RHOBTB3: variants seen among roughly 807,000 people sequenced by gnomAD.
RHOBTB3 encodes the protein Rho related BTB domain containing 3.
A neutral mutation model predicts 67.2 loss-of-function variants in RHOBTB3; 47 were observed. The observed-to-expected ratio is 0.70, with a 90% CI of 0.55 to 0.89. The LOEUF (loss-of-function observed/expected upper bound fraction) is 0.89. Ranked by LOEUF, RHOBTB3 falls within the 40% of genes least tolerant of loss-of-function variation. The pLI is 0.00. For synonymous variants in RHOBTB3, 273 were observed against 274.2 expected (o/e 1.00, Z 0.04); for missense variants, 631 against 750.0 (o/e 0.84, Z 1.85).
chr5:95,748,225 A>G (rs1236458593), intron 3 of RHOBTB3, 108 bp from the exon 4 acceptor site: 1 of 704,198 alleles, frequency 1.4e-6, no homozygotes, highest in Admixed American at 3.1e-5. Flanking sequence ...ATGCTTTTGA[A>G]CTGTGGCTCT....
At chr5:95,763,756 C>T in intron 7 of RHOBTB3, 136 bp downstream of exon 7, 2 of 567,442 alleles carry the variant, frequency 3.5e-6, no homozygotes, top group Non-Finnish European at 6.3e-6. Context: ...GTATATTTTA[C>T]CATTTAAATA....
chr5:95,731,528 C>G lies in RHOBTB3; in HGVS notation c.-155C>G. ...CGCTCGCTGGCTGGCGCGGCCCCGG[C>G]CCCGCTCTGCGTCGGCCCCGCCGCG... On this transcript the variant is annotated 5_prime_UTR_variant, in exon 1 of 12. Coordinates refer to ENST00000379982, the MANE Select transcript of RHOBTB3 (RefSeq NM_014899.4). 3.0e-6 allele frequency: 4 copies of G among 1,348,674 alleles called. No homozygotes were observed. The highest frequency in any genetic ancestry group is 3.8e-6 in the Non-Finnish European group (4 of 1,054,894). 83.5% of individuals were successfully genotyped at this position (1,348,674 alleles called of 1,614,324 possible).
intron 4 of RHOBTB3, among the ~76,000 whole-genome samples, chr5:95,748,905 G>A (rs1224336758): frequency 2.6e-5 from 4 of 152,190 alleles, no homozygotes; most frequent in African/African-American, 7.2e-5. Context: ...CTCTGTGTGT[G>A]CTTTGGCAAA....
At position 95,783,956 on chromosome 5, in the gene RHOBTB3, A is replaced by G. The variant is rs762167988; in HGVS notation, c.1616A>G (p.Lys539Arg). 1.2e-5 allele frequency: 20 copies of G among 1,610,182 alleles called. No individual in the cohort carries two copies. Among genetic ancestry groups the G allele is most frequent in the Non-Finnish European group, 1.7e-5 (20 of 1,177,220 alleles). The change falls in exon 10 of 12, where the codon AAG (lysine) becomes AGG (arginine). Residue 539 changes from lysine (K) to arginine (R), a missense_variant. Physicochemically the swap from Lys to Arg is conservative, Grantham distance 26. Coordinates refer to ENST00000379982, the MANE Select transcript of RHOBTB3 (RefSeq NM_014899.4). ...MNLDIVDLLK[K>R]AKFHHSDCLS... ...CTTGATATAGTTGACCTGCTTAAAA[A>G]GGCCAAGGTAATTGACTCTGTGTAT...
intron 8 of RHOBTB3, among the ~76,000 whole-genome samples, chr5:95,772,137 TG>T (rs914958639): frequency 1.3e-5 from 2 of 152,048 alleles, no homozygotes; most frequent in East Asian, 3.9e-4. Flanking sequence ...GGAGATAAGG[TG>T]GGGGCAAACC....
At chr5:95,724,361 T>C (rs1336554616) in intron 1 of RHOBTB3, among the ~76,000 whole-genome samples, 1 of 152,254 alleles carries the variant, frequency 6.6e-6, no homozygotes, top group Admixed American at 6.5e-5. Flanking sequence ...AGAAGTGTAA[T>C]ACATTTTTAC....
chr5:95,753,116 G>T (rs1745139240), intron 5 of RHOBTB3, among the ~76,000 whole-genome samples: 1 of 151,660 alleles, frequency 6.6e-6, no homozygotes, highest in African/African-American at 2.4e-5. Context: ...TGGCCTGGGC[G>T]ACAGAGCAAG....
At chr5:95,743,105 C>A (rs1456072180) in intron 3 of RHOBTB3, among the ~76,000 whole-genome samples, 1 of 151,954 alleles carries the variant, frequency 6.6e-6, no homozygotes, top group Non-Finnish European at 1.5e-5. Context: ...ATAAAAAAAA[C>A]TCTCAGGATA....
chr5:95,750,667 C>T (rs1464888240), intron 4 of RHOBTB3, among the ~76,000 whole-genome samples: 1 of 152,180 alleles, frequency 6.6e-6, no homozygotes, highest in African/African-American at 2.4e-5. Context: ...CTGTGCAGGC[C>T]ATTTTCCTGG....
intron 10 of RHOBTB3, among the ~76,000 whole-genome samples, chr5:95,786,296 G>A (rs3777215): frequency 0.2 from 30,805 of 152,122 alleles, 3,205 homozygotes; most frequent in South Asian, 0.27. Flanking sequence ...ATTGTCTTCT[G>A]GCAGAATTAG....
intron 9 of RHOBTB3, chr5:95,781,574 C>A (rs1454886069): frequency 6.6e-6 from 1 of 152,230 alleles, no homozygotes; most frequent in Admixed American, 6.5e-5. Context: ...GACTTACGGC[C>A]AGGTGCCGTA....
At chr5:95,727,899 T>G (rs147127240), upstream of RHOBTB3, among the ~76,000 whole-genome samples, 2 of 152,322 alleles carry the variant, frequency 1.3e-5, no homozygotes, top group African/African-American at 4.8e-5. Flanking sequence ...TACAATGCAT[T>G]CTGTGAGGAG....
intron 11 of RHOBTB3, among the ~76,000 whole-genome samples, chr5:95,791,330 G>A (rs910680257): frequency 1.3e-5 from 2 of 152,072 alleles, no homozygotes; most frequent in African/African-American, 4.8e-5. Flanking sequence ...ACAAACAGCG[G>A]TGCACAGGAA....
intron 8 of RHOBTB3, among the ~76,000 whole-genome samples, chr5:95,778,583 C>T (rs895801334): frequency 2.0e-5 from 3 of 152,218 alleles, no homozygotes; most frequent in African/African-American, 7.2e-5. Context: ...CTACCCCCAT[C>T]AACTATCTAC....
chr5:95,773,330 C>G (rs188042522), intron 8 of RHOBTB3, among the ~76,000 whole-genome samples: 1 of 152,292 alleles, frequency 6.6e-6, no homozygotes, highest in African/African-American at 2.4e-5. Flanking sequence ...GCTTCCCTAG[C>G]TCTAAAACCA....
At position 95,795,398 on chromosome 5, in the gene RHOBTB3, A is replaced by C. The variant is rs2112848254; in HGVS notation, c.*2224A>C. 6.6e-6 allele frequency: 1 copy of C among 152,336 alleles called. No individual in the cohort carries two copies. Among genetic ancestry groups the C allele is most frequent in the Non-Finnish European group, 1.5e-5 (1 of 68,026 alleles). The allele number at this position is 152,336 out of a possible 1,614,324, so 9.4% of individuals were successfully genotyped here. ...TTTTCATGAGCATATTCGCACCCCTATATGAATTACAGCATTTAAAGTTCA... is the reference window on the plus strand; with the variant it reads ...TTTTCATGAGCATATTCGCACCCCTCTATGAATTACAGCATTTAAAGTTCA... On this transcript the variant is annotated 3_prime_UTR_variant, in exon 12 of 12. Coordinates refer to ENST00000379982, the MANE Select transcript of RHOBTB3 (RefSeq NM_014899.4).
chr5:95,767,609 G>A (rs1027799691), intron 7 of RHOBTB3: 23 of 515,538 alleles, frequency 4.5e-5, no homozygotes, highest in Non-Finnish European at 3.5e-5. Flanking sequence ...GGGATTATAG[G>A]CATGAGCCAC....
At chr5:95,759,344 G>T (rs1211830351) in intron 6 of RHOBTB3, among the ~76,000 whole-genome samples, 1 of 152,256 alleles carries the variant, frequency 6.6e-6, no homozygotes, top group Non-Finnish European at 1.5e-5. Context: ...AACTGGTTCT[G>T]CAGGTATCTA....
rs936326097 is a variant in RHOBTB3 at position 95,794,660 on chromosome 5, C to G, written c.*1486C>G. On this transcript the variant is annotated 3_prime_UTR_variant, in exon 12 of 12. Transcript: ENST00000379982. Reference sequence around the variant, plus strand: ...GTCAGCATCATTTTCATCTGTAAGTCACTACTGGAATATATTTTTCTTTTA... The same window carrying G: ...GTCAGCATCATTTTCATCTGTAAGTGACTACTGGAATATATTTTTCTTTTA... The G allele has an allele frequency of 6.6e-6, 1 of 152,238 alleles. No individual in the cohort carries two copies. Among genetic ancestry groups the G allele is most frequent in the Non-Finnish European group, 1.5e-5 (1 of 68,078 alleles). The allele number at this position is 152,238 out of a possible 1,614,324, so 9.4% of individuals were successfully genotyped here.
Sources: allele counts gnomAD v4.1 joint callset (sites outside exome capture counted in the v4.1 genomes callset), GRCh38; gene constraint gnomAD v4.1.1; transcripts MANE v1.5; gene names NCBI Gene and HGNC (gene_info 2026-07-23, HGNC 2026-07-21).